The following LUZP2 variants were observed in gnomAD, a reference collection of about 807,000 sequenced individuals.
LUZP2 encodes leucine zipper protein 2.
LUZP2 carries 52 observed loss-of-function variants against 51.6 expected under a neutral mutation model. The ratio of observed to expected loss-of-function variants is 1.01; its 90% CI spans 0.81 to 1.27. The LOEUF (loss-of-function observed/expected upper bound fraction) is 1.27. Ranked by LOEUF, LUZP2 falls within the 50% of genes most tolerant of loss-of-function variation. The pLI is 0.00. For missense variants in LUZP2, 436 were observed against 395.4 expected (o/e 1.10, Z -0.87); for synonymous variants, 154 against 137.3 (o/e 1.12, Z -0.85).
At chr11:24,900,560 A>G (rs1237538664) in intron 5 of LUZP2, among the ~76,000 whole-genome samples, 1 of 152,134 alleles carries the variant, frequency 6.6e-6, no homozygotes, top group East Asian at 1.9e-4. Flanking sequence ...CTCCTTACAC[A>G]TTTTAAGTTT....
At chr11:24,587,606 T>A (rs1590211983) in intron 1 of LUZP2, among the ~76,000 whole-genome samples, 1 of 152,170 alleles carries the variant, frequency 6.6e-6, no homozygotes, top group Non-Finnish European at 1.5e-5. Flanking sequence ...AATATGAAGG[T>A]TACTGGAAAT....
chr11:24,816,276 A>G (rs1684708263), intron 5 of LUZP2, among the ~76,000 whole-genome samples: 2 of 151,842 alleles, frequency 1.3e-5, no homozygotes, highest in African/African-American at 4.8e-5. Context: ...TCTTATTTCT[A>G]AAATCTTTTT....
rs1333690639 is a variant in LUZP2 at position 24,638,472 on chromosome 11, G to GA, written c.63-90691dup. ...GAAAGTATTCTAAAAACTATATAGG[G>GA]AAAAAATTGTTTGACAAAATCATTC... On this transcript the variant is annotated intron_variant, in intron 1 of 11. Transcript: ENST00000336930. Among the ~76,000 whole-genome samples the GA allele has an allele frequency of 4.6e-5, 7 of 151,376 alleles. 1 individual carries two copies. The South Asian group carries it at 8.3e-4, about 18-fold the overall frequency.
chr11:24,892,135 C>T (rs1053080807), intron 5 of LUZP2: 4 of 985,584 alleles, frequency 4.1e-6, no homozygotes, highest in East Asian at 1.1e-4. Context: ...GAGCTAGACT[C>T]GTTTGCTTGT....
At chr11:25,077,785 C>T (rs921909912) in intron 11 of LUZP2, among the ~76,000 whole-genome samples, 3 of 152,078 alleles carry the variant, frequency 2.0e-5, no homozygotes, top group Non-Finnish European at 2.9e-5. Context: ...CGTGAGCCAC[C>T]GCGCCCGACC....
At chr11:24,881,836 A>T (rs1479649990) in intron 5 of LUZP2, among the ~76,000 whole-genome samples, 1 of 152,080 alleles carries the variant, frequency 6.6e-6, no homozygotes, top group Non-Finnish European at 1.5e-5. Flanking sequence ...CAATTGTATA[A>T]ATTTTACTTT....
At chr11:24,542,925 G>GA (rs375530037) in intron 1 of LUZP2, among the ~76,000 whole-genome samples, 25,139 of 135,378 alleles carry the variant, frequency 0.19, 2,416 homozygotes, top group African/African-American at 0.28. Flanking sequence ...CACACACACA[G>GA]AAAAAAAAAA....
At chr11:25,030,054 A>G (rs571593566) in intron 9 of LUZP2, among the ~76,000 whole-genome samples, 1 of 152,296 alleles carries the variant, frequency 6.6e-6, no homozygotes, top group East Asian at 1.9e-4. Flanking sequence ...TTAGATGGGT[A>G]TTCATGCAAA....
At chr11:24,602,385 T>TACACACACACACACAC (rs1444866024) in intron 1 of LUZP2, among the ~76,000 whole-genome samples, 1 of 86,610 alleles carries the variant, frequency 1.2e-5, no homozygotes, top group Non-Finnish European at 2.5e-5. Flanking sequence ...TATATATATA[T>TACACACACACACACAC]ATACACACAC....
Position 25,080,770 on chromosome 11 carries a change from C to G in LUZP2, c.*2112C>G, listed in dbSNP as rs960293903. 2 of 152,016 alleles carry G rather than the reference C, an allele frequency of 1.3e-5. No individual in the cohort carries two copies. Among genetic ancestry groups the G allele is most frequent in the African/African-American group, 4.8e-5 (2 of 41,374 alleles). 9.4% of individuals were successfully genotyped at this position (152,016 alleles called of 1,614,324 possible). On this transcript the variant is annotated 3_prime_UTR_variant, in exon 12 of 12. Coordinates refer to ENST00000336930, the MANE Select transcript of LUZP2 (RefSeq NM_001009909.4). Reference sequence around the variant, plus strand: ...CCTGGGGCCCAACTTCCCTTGCAGGCCTTGTGGGTCCTATAGAAAGTTATT... The same window carrying G: ...CCTGGGGCCCAACTTCCCTTGCAGGGCTTGTGGGTCCTATAGAAAGTTATT...
At chr11:24,960,990 T>G (rs1406894629) in intron 7 of LUZP2, among the ~76,000 whole-genome samples, 3 of 152,274 alleles carry the variant, frequency 2.0e-5, no homozygotes, top group East Asian at 1.9e-4. Flanking sequence ...ATTTCTGCCT[T>G]CATTTCGTTA....
chr11:24,497,165 C>G lies in LUZP2; in HGVS notation c.-79C>G. 1.5e-6 allele frequency: 2 copies of G among 1,327,650 alleles called. No homozygotes were observed. Among genetic ancestry groups the G allele is most frequent in the East Asian group, 5.5e-5 (2 of 36,630 alleles). The allele number at this position is 1,327,650 out of a possible 1,614,324, so 82.2% of individuals were successfully genotyped here. A position where few individuals can be genotyped will look rare whatever the true frequency, so the allele number is the denominator to read the frequency against. On this transcript the variant is annotated 5_prime_UTR_variant, in exon 1 of 12. Coordinates refer to ENST00000336930, the MANE Select transcript of LUZP2 (RefSeq NM_001009909.4). ...CGCTCATCACTGGCTGGGGACAGAG[C>G]CGGGCACCAAGGAGCGACAGGATCC...
At chr11:24,968,451 C>A (rs139619497) in intron 7 of LUZP2, among the ~76,000 whole-genome samples, 20 of 152,256 alleles carry the variant, frequency 1.3e-4, no homozygotes, top group Admixed American at 7.2e-4. Flanking sequence ...AGCTATTAAT[C>A]TAAAGACTGC....
intron 10 of LUZP2, among the ~76,000 whole-genome samples, chr11:25,076,558 A>C (rs1318729615): frequency 6.8e-6 from 1 of 147,910 alleles, no homozygotes; most frequent in African/African-American, 2.5e-5. Flanking sequence ...AGAGGAGGGA[A>C]GGAGGGAAGG....
chr11:24,620,136 T>G (rs1854444433), intron 1 of LUZP2, among the ~76,000 whole-genome samples: 1 of 152,194 alleles, frequency 6.6e-6, no homozygotes, highest in Admixed American at 6.5e-5. Context: ...AAAGCCAAAA[T>G]CTAATTATCT....
chr11:24,702,531 A>C (rs1319023556), intron 1 of LUZP2, among the ~76,000 whole-genome samples: 1 of 152,202 alleles, frequency 6.6e-6, no homozygotes, highest in Non-Finnish European at 1.5e-5. Flanking sequence ...AAGCAGGAGC[A>C]GACATTGTCA....
chr11:24,986,289 C>T (rs192299700), intron 9 of LUZP2, among the ~76,000 whole-genome samples: 18 of 151,472 alleles, frequency 1.2e-4, no homozygotes, highest in Admixed American at 6.0e-4. Flanking sequence ...TAAATTCTAC[C>T]AATGGCAATG....
intron 1 of LUZP2, among the ~76,000 whole-genome samples, chr11:24,543,842 A>AC (rs1386893131): frequency 2.0e-5 from 3 of 151,158 alleles, no homozygotes; most frequent in Non-Finnish European, 4.4e-5. Flanking sequence ...AAAAAAAAAA[A>AC]AAAGATGGAT....
chr11:24,658,488 G>T (rs1855898575), intron 1 of LUZP2, among the ~76,000 whole-genome samples: 1 of 152,056 alleles, frequency 6.6e-6, no homozygotes, highest in Admixed American at 6.6e-5. Flanking sequence ...GAAAACCTAG[G>T]CAATACCATT....
Sources: allele counts gnomAD v4.1 joint callset (sites outside exome capture counted in the v4.1 genomes callset), GRCh38; gene constraint gnomAD v4.1.1; transcripts MANE v1.5; gene names NCBI Gene and HGNC (gene_info 2026-07-23, HGNC 2026-07-21).